Variants in ARHGEF3 observed in about 807,000 individuals in gnomAD.
ARHGEF3 encodes the protein 59.8 kDA protein.
A neutral mutation model predicts 63.2 loss-of-function variants in ARHGEF3; 28 were observed. The ratio of observed to expected loss-of-function variants is 0.44; its 90% CI spans 0.33 to 0.61. The LOEUF is 0.61. ARHGEF3 is among the 20% of genes least tolerant of loss of function. The pLI, the probability that ARHGEF3 is intolerant of heterozygous loss-of-function variation, is 0.03. For missense variants in ARHGEF3, 533 were observed against 659.3 expected (o/e 0.81, Z 2.10); for synonymous variants, 266 against 254.2 (o/e 1.05, Z -0.44).
intron 3 of ARHGEF3, among the ~76,000 whole-genome samples, chr3:56,933,947 T>C (rs918084463): frequency 6.6e-6 from 1 of 152,214 alleles, no homozygotes; most frequent in Non-Finnish European, 1.5e-5. Flanking sequence ...GATGGTTTTA[T>C]TAGTGTTTAA....
intron 2 of ARHGEF3, among the ~76,000 whole-genome samples, chr3:56,976,875 C>G (rs1466342940): frequency 2.0e-5 from 3 of 152,108 alleles, no homozygotes; most frequent in African/African-American, 7.2e-5. Flanking sequence ...AGCACTGCAC[C>G]AAACAGCAAG....
At chr3:56,957,084 G>C (rs1279633994) in intron 3 of ARHGEF3, among the ~76,000 whole-genome samples, 1 of 152,134 alleles carries the variant, frequency 6.6e-6, no homozygotes, top group African/African-American at 2.4e-5. Flanking sequence ...GTACTTAATG[G>C]TTATGATCAC....
At chr3:56,732,057 G>C in intron 9 of ARHGEF3, 181 bp downstream of exon 9, 1 of 702,122 alleles carries the variant, frequency 1.4e-6, no homozygotes. Flanking sequence ...TTCCATTTTG[G>C]AGATGAGAAA....
At chr3:56,768,177 C>G (rs2035813705) in intron 2 of ARHGEF3, among the ~76,000 whole-genome samples, 1 of 152,118 alleles carries the variant, frequency 6.6e-6, no homozygotes, top group African/African-American at 2.4e-5. Flanking sequence ...CCTGCCTCAG[C>G]CTCCAGAGTA....
intron 4 of ARHGEF3, among the ~76,000 whole-genome samples, chr3:56,809,779 C>G (rs1422258085): frequency 6.6e-6 from 1 of 151,704 alleles, no homozygotes; most frequent in Non-Finnish European, 1.5e-5. Flanking sequence ...GTCACCCAGG[C>G]TGGAGTGCAG....
Position 56,729,338 on chromosome 3 carries a change from C to T in ARHGEF3, c.1513G>A (p.Asp505Asn), listed in dbSNP as rs138533417. ...TCTGTCTGTTCCATGCGCTCACAGT[C>T]GAGGCTGACCTCACTCGTGTCCATA... ...CSMDTSEVSL[D>N]CERMEQTDSS... Residue 505 changes from aspartate to asparagine, a missense_variant, in exon 10 of 10, where the codon GAC becomes AAC. Around this residue, in one of 4 missense-constraint regions of ARHGEF3, gnomAD observed 115 missense variants for 103.4 expected, o/e 1.11. Transcript: ENST00000296315. 1,413 of 1,614,088 alleles carry T rather than the reference C, an allele frequency of 8.8e-4. 6 individuals are homozygous for T. Among genetic ancestry groups the T allele is most frequent in the South Asian group, 3.5e-3 (317 of 91,054 alleles).
At chr3:56,878,614 CAG>C (rs2040669559) in intron 4 of ARHGEF3, among the ~76,000 whole-genome samples, 1 of 152,178 alleles carries the variant, frequency 6.6e-6, no homozygotes, top group African/African-American at 2.4e-5. Flanking sequence ...AAACTCTTAA[CAG>C]GGGTCTTGGC....
At chr3:56,733,352 T>G (rs2033352825) in intron 8 of ARHGEF3, among the ~76,000 whole-genome samples, 1 of 79,664 alleles carries the variant, frequency 1.3e-5, no homozygotes, top group Non-Finnish European at 2.4e-5. Flanking sequence ...GGGGGGCGCC[T>G]GTAATCCCAG....
chr3:56,861,871 T>G (rs1024768639), intron 4 of ARHGEF3, among the ~76,000 whole-genome samples: 31 of 151,800 alleles, frequency 2.0e-4, no homozygotes, highest in Non-Finnish European at 3.8e-4. Flanking sequence ...GTTGGTTTTT[T>G]TTTTTTTTTT....
chr3:56,953,106 G>C (rs921495624), intron 3 of ARHGEF3, among the ~76,000 whole-genome samples: 2 of 152,160 alleles, frequency 1.3e-5, no homozygotes, highest in Non-Finnish European at 2.9e-5. Context: ...TGGGACTGAC[G>C]TTCAGTCAAC....
At chr3:56,957,139 C>T (rs536011455) in intron 3 of ARHGEF3, among the ~76,000 whole-genome samples, 4 of 152,162 alleles carry the variant, frequency 2.6e-5, no homozygotes, top group Middle Eastern at 3.2e-3. Flanking sequence ...CCCACAAAAC[C>T]ATAAATGACT....
In ARHGEF3 at chr3:56,732,360, T is replaced by A; in HGVS notation, c.1106A>T (p.Gln369Leu). 6.2e-7 allele frequency: 1 copy of A among 1,614,194 alleles called. No homozygotes were observed. Among genetic ancestry groups the A allele is most frequent in the Non-Finnish European group, 8.5e-7 (1 of 1,180,038 alleles). ...CTGACGGTACAGCTGGTAGCAAAGCTGCTCATTGTGGGTGACGGCTCGAGT... is the reference window on the plus strand; with the variant it reads ...CTGACGGTACAGCTGGTAGCAAAGCAGCTCATTGTGGGTGACGGCTCGAGT... ...VITRAVTHNEQLCYQLYRQPI... is the reference protein window; with the variant it reads ...VITRAVTHNELLCYQLYRQPI... The change falls in exon 9 of 10, where the codon CAG (glutamine) becomes CTG (leucine). Residue 369 changes from glutamine to leucine, a missense_variant. Coordinates refer to ENST00000296315, the MANE Select transcript of ARHGEF3 (RefSeq NM_019555.3).
intron 2 of ARHGEF3, among the ~76,000 whole-genome samples, chr3:57,029,523 G>A (rs1031658700): frequency 1.3e-5 from 2 of 152,124 alleles, no homozygotes; most frequent in African/African-American, 2.4e-5. Context: ...CATCCCTGGG[G>A]TGATCTCTAC....
rs943886074 is a variant in ARHGEF3, at chr3:56,729,394, A to G, written c.1457T>C (p.Met486Thr). Residue 486 changes from methionine to threonine, a missense_variant, in exon 10 of 10, where the codon ATG becomes ACG. This residue lies in a region of ARHGEF3 where 115 missense variants were observed against 103.4 expected (regional missense o/e 1.11). Transcript: ENST00000296315. ...ELQGETKLEQ[M>T]DQSDSESDCS... ...GTCTGACTCACTGTCCGATTGGTCC[A>G]TCTGCTCAAGTTTTGTTTCTCCCTG... The G allele has an allele frequency of 1.2e-6, 2 of 1,613,810 alleles. No homozygotes were observed. Among genetic ancestry groups the G allele is most frequent in the South Asian group, 1.1e-5 (1 of 91,040 alleles).
chr3:56,823,986 GAAAAA>G (rs5849170), intron 4 of ARHGEF3, among the ~76,000 whole-genome samples: 11,922 of 126,396 alleles, frequency 0.094, 698 homozygotes, highest in Admixed American at 0.23. Context: ...TTGAGGAAAG[GAAAAA>G]AAAAAAAAAA....
chr3:56,747,064 C>CAGAGAGAGAGAG (rs5849167), intron 6 of ARHGEF3, among the ~76,000 whole-genome samples: 10 of 148,274 alleles, frequency 6.7e-5, no homozygotes, highest in African/African-American at 2.2e-4. Flanking sequence ...CACACACACA[C>CAGAGAGAGAGAG]AGAGAGAGAG....
Position 56,729,278 on chromosome 3 carries a change from T to C in ARHGEF3, c.1573A>G (p.Asn525Asp). The change falls in exon 10 of 10, where the codon AAC becomes GAC. Residue 525 changes from asparagine (N) to aspartate (D), a missense_variant. Asn to Asp is a conservative substitution (Grantham distance 23, BLOSUM62 1). This residue lies in a region of ARHGEF3 where 115 missense variants were observed against 103.4 expected (regional missense o/e 1.11). Transcript: ENST00000296315. Reference sequence around the variant, plus strand: ...AAGTGCACATGCTTCTGTCAGACGTTACTTTCACCGTGCCTGCTGTTTCCA... The same window carrying C: ...AAGTGCACATGCTTCTGTCAGACGTCACTTTCACCGTGCCTGCTGTTTCCA... ...SCGNSRHGES[N>D]V 1.2e-6 allele frequency: 2 copies of C among 1,611,032 alleles called. No homozygotes were observed. The highest frequency in any genetic ancestry group is 1.7e-6 in the Non-Finnish European group (2 of 1,177,936).
intron 3 of ARHGEF3, among the ~76,000 whole-genome samples, chr3:56,952,997 A>G (rs559001732): frequency 6.6e-6 from 1 of 152,136 alleles, no homozygotes; most frequent in Admixed American, 6.5e-5. Flanking sequence ...CAATTACTAC[A>G]CCTGTACTTT....
At chr3:56,844,635 A>G (rs1455460145) in intron 4 of ARHGEF3, among the ~76,000 whole-genome samples, 7 of 152,212 alleles carry the variant, frequency 4.6e-5, no homozygotes, top group African/African-American at 1.4e-4. Flanking sequence ...AGGGCTAAAA[A>G]CAATCAGCCT....
Sources: allele counts gnomAD v4.1 joint callset (sites outside exome capture counted in the v4.1 genomes callset), GRCh38; gene constraint gnomAD v4.1.1; regional missense constraint gnomAD v4.1.1; transcripts MANE v1.5; gene names NCBI Gene and HGNC (gene_info 2026-07-23, HGNC 2026-07-21).